COLEC12: variants seen among roughly 807,000 people sequenced by gnomAD.
COLEC12 encodes the protein collectin-12.
A neutral mutation model predicts 71.1 loss-of-function variants in COLEC12; 33 were observed. That is an observed-to-expected ratio of 0.46 (90% confidence interval 0.35 to 0.62). The LOEUF (loss-of-function observed/expected upper bound fraction) is 0.62, where lower values mean the gene tolerates loss of function less well. Ranked by LOEUF, COLEC12 falls within the 20% of genes least tolerant of loss-of-function variation. COLEC12 has a pLI of 0.00. For missense variants in COLEC12, 765 were observed against 916.1 expected (o/e 0.84, Z 2.13); for synonymous variants, 350 against 353.0 (o/e 0.99, Z 0.10).
chr18:368,853 G>C (rs913212262), intron 2 of COLEC12, among the ~76,000 whole-genome samples: 3 of 152,148 alleles, frequency 2.0e-5, no homozygotes, highest in Non-Finnish European at 4.4e-5. Flanking sequence ...GCAACAGAGC[G>C]AGACTCCGTC....
At chr18:445,718 C>T (rs568685845) in intron 2 of COLEC12, among the ~76,000 whole-genome samples, 10 of 150,486 alleles carry the variant, frequency 6.6e-5, no homozygotes, top group South Asian at 6.3e-4. Flanking sequence ...CTGCAACCTT[C>T]GCCACCTGGG....
rs1915829576 is a variant in COLEC12, at chr18:408,427, C to T, written c.59-50905G>A. Among the ~76,000 whole-genome samples the T allele has an allele frequency of 6.6e-6, 1 of 152,086 alleles. No individual in the cohort carries two copies. The highest frequency in any genetic ancestry group is 2.1e-4 in the South Asian group (1 of 4,822). On this transcript the variant is annotated intron_variant, in intron 2 of 9. Coordinates refer to ENST00000400256, the MANE Select transcript of COLEC12 (RefSeq NM_130386.3). The surrounding 1 kb of genome is among the most constrained non-coding windows in gnomAD (Gnocchi z 4.3). ...TCAATAAATAATACATCACATACTG[C>T]ATCTCCTTTAGTGGTCTTTTCAATC...
At chr18:397,656 C>G (rs1451369069) in intron 2 of COLEC12, among the ~76,000 whole-genome samples, 1 of 152,156 alleles carries the variant, frequency 6.6e-6, no homozygotes, top group African/African-American at 2.4e-5. Flanking sequence ...TGTTATTAGT[C>G]TATCTTTAAC....
intron 2 of COLEC12, among the ~76,000 whole-genome samples, chr18:441,073 C>A (rs530500197): frequency 1.0e-3 from 134 of 132,648 alleles, no homozygotes; most frequent in Admixed American, 3.3e-3. Context: ...ACAGTGAAAC[C>A]CTGTCTCTAC....
At position 500,436 on chromosome 18, in the gene COLEC12, CTCCGTGGCCTCCCGCG is replaced by C; in HGVS notation, c.7+56_7+71del. On this transcript the variant is annotated intron_variant, in intron 1 of 9. Coordinates refer to ENST00000400256, the MANE Select transcript of COLEC12 (RefSeq NM_130386.3). The surrounding 1 kb of genome is among the most constrained non-coding windows in gnomAD (Gnocchi z 5.3). ...AAGGGAAGGTTCGCGCGGGAGGCACCTCCGTGGCCTCCCGCGCGCCCCGAAGCCCGTTCCCCCCGCC... is the reference window on the plus strand; with the variant it reads ...AAGGGAAGGTTCGCGCGGGAGGCACCCGCCCCGAAGCCCGTTCCCCCCGCC... 1 of 1,060,652 alleles carries C rather than the reference CTCCGTGGCCTCCCGCG, an allele frequency of 9.4e-7. No homozygotes were observed. The highest frequency in any genetic ancestry group is 1.2e-6 in the Non-Finnish European group (1 of 852,398). The allele number at this position is 1,060,652 out of a possible 1,614,324, so 65.7% of individuals were successfully genotyped here. A position where few individuals can be genotyped will look rare whatever the true frequency, so the allele number is the denominator to read the frequency against.
At chr18:463,867 A>G (rs1917033997) in intron 2 of COLEC12, among the ~76,000 whole-genome samples, 1 of 152,102 alleles carries the variant, frequency 6.6e-6, no homozygotes, top group African/African-American at 2.4e-5. Flanking sequence ...GCTGTCAGAG[A>G]CCAGGCATTT....
intron 8 of COLEC12, among the ~76,000 whole-genome samples, chr18:323,343 G>C (rs1408233121): frequency 6.6e-6 from 1 of 152,282 alleles, no homozygotes; most frequent in Non-Finnish European, 1.5e-5. Context: ...ACTTAGAAGG[G>C]AGAGTTAGAA....
At chr18:431,291 C>T (rs1451290379) in intron 2 of COLEC12, among the ~76,000 whole-genome samples, 1 of 152,080 alleles carries the variant, frequency 6.6e-6, no homozygotes, top group Non-Finnish European at 1.5e-5. Context: ...GTGTGAGCTG[C>T]CACGCCCAAC....
At chr18:374,548 G>A (rs1480270817) in intron 2 of COLEC12, among the ~76,000 whole-genome samples, 1 of 152,192 alleles carries the variant, frequency 6.6e-6, no homozygotes, top group African/African-American at 2.4e-5. Flanking sequence ...CTGTAGGCCT[G>A]AGGCTCGGAA....
Position 317,516 on chromosome 18 carries a change from G to C in COLEC12, c.*2529C>G, listed in dbSNP as rs1044773576. 2 of 152,184 alleles carry C rather than the reference G, an allele frequency of 1.3e-5. No individual in the cohort carries two copies. The highest frequency in any genetic ancestry group is 2.9e-5 in the Non-Finnish European group (2 of 68,036). 9.4% of individuals were successfully genotyped at this position (152,184 alleles called of 1,614,324 possible). On this transcript the variant is annotated 3_prime_UTR_variant, in exon 10 of 10. Transcript: ENST00000400256. ...TTCCTAGGGCTGTTGGGAGGATCAG[G>C]TGAGACAATCTGATTGAAGGACTTG...
At chr18:489,630 A>C (rs1479374938) in intron 1 of COLEC12, among the ~76,000 whole-genome samples, 1 of 152,214 alleles carries the variant, frequency 6.6e-6, no homozygotes, top group African/African-American at 2.4e-5. Context: ...TGAGGAGCTA[A>C]AATAGCAAGA....
chr18:482,633 T>C (rs1917444512), intron 1 of COLEC12, among the ~76,000 whole-genome samples: 1 of 151,854 alleles, frequency 6.6e-6, no homozygotes, highest in Non-Finnish European at 1.5e-5. Context: ...TTTTTTGAGA[T>C]AGAATTTTGT....
In COLEC12 at chr18:346,212, G is replaced by T. The variant is rs962408094; in HGVS notation, c.1327+83C>A. On this transcript the variant is annotated intron_variant, in intron 5 of 9. Transcript: ENST00000400256. The surrounding 1 kb of genome is among the most constrained non-coding windows in gnomAD (Gnocchi z 4.0). ...AACTATGAGATGATGAATATTTATT[G>T]TTTTAAATTGCCAAGTTTTAGAGTA... 14 of 1,035,996 alleles carry T rather than the reference G, an allele frequency of 1.4e-5. No homozygotes were observed. In the East Asian group the frequency reaches 2.6e-4, roughly 19 times the overall value. 64.2% of individuals were successfully genotyped at this position (1,035,996 alleles called of 1,614,324 possible).
chr18:470,130 ATAT>A, intron 2 of COLEC12, among the ~76,000 whole-genome samples: 1 of 150,478 alleles, frequency 6.6e-6, no homozygotes, highest in East Asian at 2.0e-4. Context: ...TTATATCTTA[ATAT>A]TTTTTATCAG....
At chr18:378,828 C>A (rs998223221) in intron 2 of COLEC12, among the ~76,000 whole-genome samples, 2 of 152,122 alleles carry the variant, frequency 1.3e-5, no homozygotes, top group African/African-American at 4.8e-5. Context: ...ATTCTTACAT[C>A]TCCTTCCTTC....
At position 357,451 on chromosome 18, in the gene COLEC12, A is replaced by G; in HGVS notation, c.130T>C (p.Tyr44His). The change falls in exon 3 of 10, where the codon TAC becomes CAC. Residue 44 changes from tyrosine (Y) to histidine (H), a missense_variant. By Grantham distance (83) the Tyr-to-His change is moderately conservative. Coordinates refer to ENST00000400256, the MANE Select transcript of COLEC12 (RefSeq NM_130386.3). ...WALKFSIILL[Y>H]ILCALLTITV... Reference sequence around the variant, plus strand: ...ATTGTTAGCAAGGCACACAAAATGTATAATAATATGATAGAAAACTTCAGT... The same window carrying G: ...ATTGTTAGCAAGGCACACAAAATGTGTAATAATATGATAGAAAACTTCAGT... The G allele has an allele frequency of 1.2e-6, 2 of 1,601,778 alleles. No individual in the cohort carries two copies. Among genetic ancestry groups the G allele is most frequent in the Non-Finnish European group, 1.7e-6 (2 of 1,174,338 alleles).
At chr18:490,450 C>T (rs1036648314) in intron 1 of COLEC12, among the ~76,000 whole-genome samples, 9 of 152,136 alleles carry the variant, frequency 5.9e-5, no homozygotes, top group African/African-American at 2.2e-4. Context: ...CAAGAGGTTA[C>T]CTCTGGGGAA....
intron 2 of COLEC12, among the ~76,000 whole-genome samples, chr18:417,389 G>A (rs747720645): frequency 6.6e-6 from 1 of 152,212 alleles, no homozygotes; most frequent in Non-Finnish European, 1.5e-5. Context: ...CACATATGCA[G>A]TCTGTCATTG....
intron 2 of COLEC12, among the ~76,000 whole-genome samples, chr18:367,329 G>A (rs548385360): frequency 2.6e-5 from 4 of 152,242 alleles, no homozygotes; most frequent in African/African-American, 9.6e-5. Flanking sequence ...GCAAAGACAT[G>A]CCTACATCCA....
Sources: allele counts gnomAD v4.1 joint callset (sites outside exome capture counted in the v4.1 genomes callset), GRCh38; gene constraint gnomAD v4.1.1; non-coding constraint Gnocchi (gnomAD v3.1); transcripts MANE v1.5; gene names NCBI Gene and HGNC (gene_info 2026-07-23, HGNC 2026-07-21).